The following UBE3B variants were observed in gnomAD, a reference collection of about 807,000 sequenced individuals.
UBE3B encodes the protein ubiquitin-protein ligase E3B.
A neutral mutation model predicts 132.3 loss-of-function variants in UBE3B; 80 were observed. That is an observed-to-expected ratio of 0.60 (90% CI 0.50 to 0.73). The LOEUF (loss-of-function observed/expected upper bound fraction) is 0.73, where lower values mean the gene tolerates loss of function less well. UBE3B is among the 30% of genes least tolerant of loss of function. The pLI is 0.00. For missense variants in UBE3B, 1,196 were observed against 1,362.5 expected (o/e 0.88, Z 1.92); for synonymous variants, 487 against 520.4 (o/e 0.94, Z 0.87).
chr12:109,536,186 T>C lies in UBE3B; in HGVS notation c.*1404T>C, dbSNP rs1777012496. ...GGCTTCTGGAAAAGAGTGTGTGCTC[T>C]ACTTTGATGGAAACATGGCAAGGAA... is the stretch of plus-strand genomic sequence containing the variant. On this transcript the variant is annotated 3_prime_UTR_variant, in exon 28 of 28. Coordinates refer to ENST00000342494, the MANE Select transcript of UBE3B (RefSeq NM_130466.4). 6.6e-6 allele frequency: 1 copy of C among 152,290 alleles called. No individual in the cohort carries two copies. Among genetic ancestry groups the C allele is most frequent in the Non-Finnish European group, 1.5e-5 (1 of 68,052 alleles). 9.4% of individuals were successfully genotyped at this position (152,290 alleles called of 1,614,324 possible). A position where few individuals can be genotyped will look rare whatever the true frequency, so the allele number is the denominator to read the frequency against.
Position 109,483,698 on chromosome 12 carries a change from G to A in UBE3B, c.147G>A (p.Leu49=), listed in dbSNP as rs747561690. The change falls in exon 3 of 28, where the codon CTG becomes CTA. Residue 49 remains leucine, a synonymous_variant. Coordinates refer to ENST00000342494, the MANE Select transcript of UBE3B (RefSeq NM_130466.4). ...GGAGTTTTCTCTGTCGGAGTCGACTGCAGAGAGATATCAGGTAAGGGCTAG... is the reference window on the plus strand; with the variant it reads ...GGAGTTTTCTCTGTCGGAGTCGACTACAGAGAGATATCAGGTAAGGGCTAG... The part of the protein sequence containing the change: ...HVRSFLCRSR[L]QRDIRREIDD... 2 of 1,605,356 alleles carry A rather than the reference G, an allele frequency of 1.2e-6. No homozygotes were observed. The highest frequency in any genetic ancestry group is 1.7e-6 in the Non-Finnish European group (2 of 1,176,420).
At chr12:109,529,713 C>A (rs1362140338) in intron 24 of UBE3B, among the ~76,000 whole-genome samples, 177 bp from the exon 25 acceptor site, 1 of 152,166 alleles carries the variant, frequency 6.6e-6, no homozygotes, top group Non-Finnish European at 1.5e-5. Flanking sequence ...GTATGGTGTG[C>A]AGTTCGTGAG....
At chr12:109,519,591 T>C (rs1881458808) in intron 19 of UBE3B, 1 of 152,230 alleles carries the variant, frequency 6.6e-6, no homozygotes, top group Admixed American at 6.5e-5. Flanking sequence ...TTAAAGCAGG[T>C]TGGAGGAACT....
At chr12:109,542,780 C>G in the UBE3B span, among the ~76,000 whole-genome samples, 2 of 152,192 alleles carry the variant, frequency 1.3e-5, no homozygotes, top group East Asian at 3.8e-4. Flanking sequence ...GGAGAGGAAC[C>G]AACCCTGTGA....
chr12:109,497,330 A>G (rs1878338462), intron 9 of UBE3B, among the ~76,000 whole-genome samples: 1 of 151,880 alleles, frequency 6.6e-6, no homozygotes, highest in African/African-American at 2.4e-5. Flanking sequence ...TAGATACACT[A>G]CATGTGTATA....
rs1203685651 is a variant in UBE3B at position 109,534,767 on chromosome 12, C to G, written c.3192C>G (p.Gly1064=). 6.4e-7 allele frequency: 1 copy of G among 1,562,810 alleles called. No homozygotes were observed. The highest frequency in any genetic ancestry group is 2.3e-5 in the East Asian group (1 of 43,536). The change falls in exon 28 of 28, where the codon GGC becomes GGG. Residue 1064 remains glycine, a synonymous_variant. Coordinates refer to ENST00000342494, the MANE Select transcript of UBE3B (RefSeq NM_130466.4). The surrounding 1 kb of genome is among the most constrained non-coding windows in gnomAD (Gnocchi z 5.2). ...GCTACGCCATCAGCATGAACACGGG[C>G]TTTGAACTCTCCTAGCTCCTGTCCC... ...KLRYAISMNT[G]FELS
At chr12:109,505,439 AG>A (rs1197788138) in intron 14 of UBE3B, among the ~76,000 whole-genome samples, 68 of 152,376 alleles carry the variant, frequency 4.5e-4, no homozygotes, top group African/African-American at 1.6e-3. Flanking sequence ...TCCTTTACAC[AG>A]AACTCGAGGA....
rs535781541 is a variant in UBE3B at position 109,536,041 on chromosome 12, A to G, written c.*1259A>G. 8.5e-5 allele frequency: 13 copies of G among 152,300 alleles called. No homozygotes were observed. In the East Asian group the frequency reaches 2.5e-3, roughly 29 times the overall value. The allele number at this position is 152,300 out of a possible 1,614,324, so 9.4% of individuals were successfully genotyped here. Reference sequence around the variant, plus strand: ...CCCAGTCCCTCCTCTGCTCTCCTCAAAGACGCAAAACATTTTCCAACAAGA... The same window carrying G: ...CCCAGTCCCTCCTCTGCTCTCCTCAGAGACGCAAAACATTTTCCAACAAGA... On this transcript the variant is annotated 3_prime_UTR_variant, in exon 28 of 28. Coordinates refer to ENST00000342494, the MANE Select transcript of UBE3B (RefSeq NM_130466.4).
At chr12:109,524,363 C>T (rs1160664384) in intron 22 of UBE3B, 75 bp from the exon 23 acceptor site, 2 of 1,568,890 alleles carry the variant, frequency 1.3e-6, no homozygotes, top group African/African-American at 2.7e-5. Context: ...AAAGCAGCGC[C>T]TCAAGGGAGG....
intron 19 of UBE3B, among the ~76,000 whole-genome samples, chr12:109,517,384 A>G (rs553075528): frequency 6.6e-6 from 1 of 152,296 alleles, no homozygotes; most frequent in East Asian, 1.9e-4. Flanking sequence ...CACTGAAGTG[A>G]CCCACCTGAG....
chr12:109,498,851 G>A (rs1256412965), intron 11 of UBE3B, among the ~76,000 whole-genome samples: 9 of 151,002 alleles, frequency 6.0e-5, no homozygotes, highest in Middle Eastern at 6.8e-3. Flanking sequence ...TTGAAGACAG[G>A]GTCTCACTTT....
the UBE3B span, among the ~76,000 whole-genome samples, chr12:109,544,191 G>A: frequency 1.3e-5 from 2 of 152,294 alleles, no homozygotes; most frequent in Non-Finnish European, 2.9e-5. Flanking sequence ...TTCTCCAAAC[G>A]TGGACATCCG....
intron 9 of UBE3B, chr12:109,492,522 A>C (rs974345479): frequency 3.9e-5 from 6 of 152,220 alleles, no homozygotes; most frequent in African/African-American, 1.4e-4. Context: ...TGGGCAGATC[A>C]TTTTGAGCTC....
chr12:109,526,608 CA>C (rs897401854), intron 24 of UBE3B, among the ~76,000 whole-genome samples, 192 bp downstream of exon 24: 3 of 152,194 alleles, frequency 2.0e-5, no homozygotes, highest in Admixed American at 1.3e-4. Flanking sequence ...CACAGTGGCT[CA>C]TGCCTATAAT....
intron 14 of UBE3B, among the ~76,000 whole-genome samples, chr12:109,505,876 G>C (rs992165552): frequency 1.3e-5 from 2 of 152,168 alleles, no homozygotes; most frequent in African/African-American, 4.8e-5. Context: ...AATTCAGAGA[G>C]TGCCCTATAA....
At chr12:109,493,975 G>A (rs561108077) in intron 9 of UBE3B, among the ~76,000 whole-genome samples, 119 of 152,128 alleles carry the variant, frequency 7.8e-4, no homozygotes, top group Non-Finnish European at 1.5e-3. Context: ...ACAGGCACAT[G>A]CCCAGCTAAT....
chr12:109,508,559 A>C (rs532262695), intron 15 of UBE3B: 2 of 985,460 alleles, frequency 2.0e-6, no homozygotes, highest in South Asian at 4.7e-5. Context: ...GATACAATGG[A>C]CCTCAGGCAG....
chr12:109,529,407 A>G (rs1287852190), intron 24 of UBE3B, among the ~76,000 whole-genome samples: 1 of 152,186 alleles, frequency 6.6e-6, no homozygotes, highest in East Asian at 1.9e-4. Flanking sequence ...ATAGCATTAG[A>G]CTGTTGATCC....
intron 4 of UBE3B, among the ~76,000 whole-genome samples, chr12:109,484,410 G>T (rs939264825): frequency 6.6e-6 from 1 of 151,608 alleles, no homozygotes; most frequent in Non-Finnish European, 1.5e-5. Flanking sequence ...ATTTTTTTTT[G>T]AGATGAAGTC....
Sources: allele counts gnomAD v4.1 joint callset (sites outside exome capture counted in the v4.1 genomes callset), GRCh38; gene constraint gnomAD v4.1.1; non-coding constraint Gnocchi (gnomAD v3.1); transcripts MANE v1.5; gene names NCBI Gene and HGNC (gene_info 2026-07-23, HGNC 2026-07-21).